The following CNTN4 variants were observed in gnomAD, a reference collection of about 807,000 sequenced individuals.
CNTN4 encodes contactin-4.
A neutral mutation model predicts 122.5 loss-of-function variants in CNTN4; 77 were observed. That is an observed-to-expected ratio of 0.63 (90% CI 0.52 to 0.76). The LOEUF is 0.76. Ranked by LOEUF, CNTN4 falls within the 30% of genes least tolerant of loss-of-function variation. The probability of loss-of-function intolerance (pLI) is 0.00; values close to 1 mark genes in which losing one functional copy is unlikely to be tolerated. For missense variants in CNTN4, 1,256 were observed against 1,259.1 expected (o/e 1.00, Z 0.04); for synonymous variants, 512 against 447.0 (o/e 1.15, Z -1.83).
chr3:2,732,503 T>TAAA (rs11368854), intron 4 of CNTN4, among the ~76,000 whole-genome samples: 6 of 139,630 alleles, frequency 4.3e-5, no homozygotes, highest in African/African-American at 7.7e-5. Context: ...CTTACTGTGA[T>TAAA]AAAAAAAAAA....
rs1265738220 is a variant in CNTN4, at chr3:2,387,987, T to C, written c.-89+48754T>C. Among the ~76,000 whole-genome samples, 11 of 152,328 alleles carry C rather than the reference T, an allele frequency of 7.2e-5. No individual in the cohort carries two copies. The East Asian group carries it at 2.1e-3, about 29-fold the overall frequency. On this transcript the variant is annotated intron_variant, in intron 3 of 24. Transcript: ENST00000418658. ...GTGTAAAATAATATTTTGGATCCATTGTTTTGGTTTTCACACAGTGACTTA... is the reference window on the plus strand; with the variant it reads ...GTGTAAAATAATATTTTGGATCCATCGTTTTGGTTTTCACACAGTGACTTA...
In CNTN4 at chr3:3,054,342, G is replaced by C. The variant is rs75405722; in HGVS notation, c.2980+367G>C. ...AAGGAACAAGGACAAGCATTGTTAA[G>C]TATGCCGTAGCAGTTTTTCTCCAGT... On this transcript the variant is annotated intron_variant, in intron 24 of 24. Coordinates refer to ENST00000418658, the MANE Select transcript of CNTN4 (RefSeq NM_175607.3). Among the ~76,000 whole-genome samples, 33 of 152,332 alleles carry C rather than the reference G, an allele frequency of 2.2e-4. No individual in the cohort carries two copies. The East Asian group carries it at 5.8e-3, about 27-fold the overall frequency.
At chr3:2,229,595 G>C (rs1169225538) in intron 2 of CNTN4, among the ~76,000 whole-genome samples, 1 of 152,102 alleles carries the variant, frequency 6.6e-6, no homozygotes, top group Non-Finnish European at 1.5e-5. Context: ...AAAGATAATA[G>C]TCTAGATAAT....
intron 4 of CNTN4, among the ~76,000 whole-genome samples, chr3:2,647,914 T>TA (rs1236529359): frequency 6.6e-6 from 1 of 152,240 alleles, no homozygotes; most frequent in African/African-American, 2.4e-5. Flanking sequence ...ACTTTGTTGT[T>TA]AAACCAATAT....
rs1043748127 is a variant in CNTN4, at chr3:2,364,074, A to G, written c.-89+24841A>G. Among the ~76,000 whole-genome samples, 7 of 152,164 alleles carry G rather than the reference A, an allele frequency of 4.6e-5. No homozygotes were observed. The East Asian group carries it at 7.7e-4, about 17-fold the overall frequency. Reference sequence around the variant, plus strand: ...CTGGATATAGTGCTATAATATTTCAATATGACTCCTTAACCTTGTCTAGTT... The same window carrying G: ...CTGGATATAGTGCTATAATATTTCAGTATGACTCCTTAACCTTGTCTAGTT... On this transcript the variant is annotated intron_variant, in intron 3 of 24. Coordinates refer to ENST00000418658, the MANE Select transcript of CNTN4 (RefSeq NM_175607.3).
At chr3:2,825,431 C>T (rs1462181613) in intron 7 of CNTN4, among the ~76,000 whole-genome samples, 1 of 151,976 alleles carries the variant, frequency 6.6e-6, no homozygotes, top group Non-Finnish European at 1.5e-5. Context: ...GCCATGTTGA[C>T]CAGGCTGGTC....
intron 2 of CNTN4, among the ~76,000 whole-genome samples, chr3:2,231,336 G>A (rs997789515): frequency 1.3e-5 from 2 of 152,314 alleles, no homozygotes; most frequent in Non-Finnish European, 2.9e-5. Flanking sequence ...GATGCTCAGA[G>A]AAGAGGACTG....
chr3:2,679,380 G>A (rs975099892), intron 4 of CNTN4, among the ~76,000 whole-genome samples: 4 of 152,216 alleles, frequency 2.6e-5, no homozygotes, highest in Admixed American at 2.6e-4. Context: ...CAGAGACTCA[G>A]CCCATCAACC....
chr3:2,933,877 A>C (rs904558875), intron 13 of CNTN4, among the ~76,000 whole-genome samples: 6 of 152,186 alleles, frequency 3.9e-5, no homozygotes, highest in Non-Finnish European at 8.8e-5. Flanking sequence ...AGAGTTCTAC[A>C]GAATGAGAAC....
At chr3:2,507,045 A>G (rs575979385) in intron 3 of CNTN4, among the ~76,000 whole-genome samples, 13 of 152,340 alleles carry the variant, frequency 8.5e-5, no homozygotes, top group African/African-American at 3.1e-4. Flanking sequence ...GTGAAAGCAT[A>G]CTGAAACGTC....
At chr3:3,051,822 T>C (rs1174984105) in intron 23 of CNTN4, among the ~76,000 whole-genome samples, 1 of 152,184 alleles carries the variant, frequency 6.6e-6, no homozygotes, top group African/African-American at 2.4e-5. Context: ...TTGTGTCTGG[T>C]TTTGTCTTGA....
chr3:2,483,792 T>C (rs1452007849), intron 3 of CNTN4, among the ~76,000 whole-genome samples: 1 of 152,188 alleles, frequency 6.6e-6, no homozygotes, highest in Non-Finnish European at 1.5e-5. Context: ...CATGTGGAAC[T>C]GTAAGTCAAT....
intron 4 of CNTN4, among the ~76,000 whole-genome samples, chr3:2,656,416 T>C (rs2083593633): frequency 6.6e-6 from 1 of 152,240 alleles, no homozygotes; most frequent in Non-Finnish European, 1.5e-5. Context: ...TGGTTCTCTT[T>C]AGAGCATGTT....
intron 14 of CNTN4, among the ~76,000 whole-genome samples, chr3:2,993,082 C>A (rs1007101747): frequency 6.6e-6 from 1 of 152,046 alleles, no homozygotes; most frequent in Non-Finnish European, 1.5e-5. Flanking sequence ...GTTTTATATA[C>A]CCCAGGGGCT....
chr3:2,601,686 C>T (rs754185693), intron 4 of CNTN4, among the ~76,000 whole-genome samples: 4 of 152,106 alleles, frequency 2.6e-5, no homozygotes, highest in South Asian at 2.1e-4. Context: ...CTTGGCAATG[C>T]GGGCTCTATT....
intron 2 of CNTN4, among the ~76,000 whole-genome samples, chr3:2,174,670 A>C (rs548152797): frequency 7.1e-4 from 108 of 152,286 alleles, no homozygotes; most frequent in Non-Finnish European, 1.2e-3. Context: ...AGTTCATTTC[A>C]TGCCAGAAAG....
At chr3:2,925,589 G>A (rs1450314875) in intron 12 of CNTN4, 40 bp from the exon 13 acceptor site, 1 of 1,589,302 alleles carries the variant, frequency 6.3e-7, no homozygotes, top group South Asian at 1.1e-5. Context: ...CTCATGGAAG[G>A]CTGTCTTGCA....
At chr3:2,678,500 T>C (rs999761192) in intron 4 of CNTN4, among the ~76,000 whole-genome samples, 1 of 152,188 alleles carries the variant, frequency 6.6e-6, no homozygotes, top group Non-Finnish European at 1.5e-5. Flanking sequence ...AGGCTCCTAC[T>C]CTATGGCGGT....
At chr3:2,486,183 T>C (rs1164467610) in intron 3 of CNTN4, among the ~76,000 whole-genome samples, 1 of 152,086 alleles carries the variant, frequency 6.6e-6, no homozygotes, top group African/African-American at 2.4e-5. Context: ...GTTTCACTCC[T>C]GAAGCCCGCG....
Sources: gnomAD v4.1 joint callset for allele counts (sites outside exome capture counted in the v4.1 genomes callset) on GRCh38, gnomAD v4.1.1 for gene constraint, MANE v1.5 for transcripts, NCBI Gene and HGNC (gene_info 2026-07-23, HGNC 2026-07-21) for gene names.